The following RELB variants were observed in gnomAD, a reference collection of about 807,000 sequenced individuals.
RELB encodes the protein transcription factor RelB.
A neutral mutation model predicts 55.4 loss-of-function variants in RELB; 14 were observed. The observed-to-expected ratio is 0.25, with a 90% CI of 0.17 to 0.40. The LOEUF (loss-of-function observed/expected upper bound fraction) is 0.40. RELB is among the 10% of genes least tolerant of loss of function. RELB has a pLI of 1.00. For synonymous variants in RELB, 409 were observed against 371.3 expected, an observed-to-expected ratio of 1.10 and a Z score of -1.17; for missense variants, 669 against 830.7, an observed-to-expected ratio of 0.81 and a Z score of 2.39.
intron 3 of RELB, among the ~76,000 whole-genome samples, chr19:45,011,670 C>A (rs1254503371): frequency 1.3e-5 from 2 of 151,526 alleles, no homozygotes; most frequent in African/African-American, 2.4e-5. Flanking sequence ...TGGTCTCGAA[C>A]TCCTGACCTC....
intron 4 of RELB, among the ~76,000 whole-genome samples, chr19:45,019,787 C>A (rs1377522753): frequency 6.6e-6 from 1 of 152,134 alleles, no homozygotes. Flanking sequence ...AAGTGATTCT[C>A]CTGCCTCAGC....
At chr19:45,013,103 A>T (rs576215369) in intron 4 of RELB, among the ~76,000 whole-genome samples, 7 of 151,626 alleles carry the variant, frequency 4.6e-5, no homozygotes, top group Non-Finnish European at 8.8e-5. Context: ...AGCAAAGGTG[A>T]TTACTTTTGG....
intron 3 of RELB, among the ~76,000 whole-genome samples, chr19:45,010,620 G>A (rs1485882135): frequency 6.6e-6 from 1 of 152,138 alleles, no homozygotes; most frequent in African/African-American, 2.4e-5. Context: ...GCCAGCATGG[G>A]TTGAATGGGG....
At chr19:45,018,125 C>T (rs1027417813) in intron 4 of RELB, among the ~76,000 whole-genome samples, 3 of 151,628 alleles carry the variant, frequency 2.0e-5, no homozygotes, top group African/African-American at 7.3e-5. Flanking sequence ...AAATTCTTGG[C>T]CGAGCGTGGT....
At chr19:45,026,321 T>C (rs1600078451) in intron 7 of RELB, among the ~76,000 whole-genome samples, 1 of 152,018 alleles carries the variant, frequency 6.6e-6, no homozygotes, top group East Asian at 1.9e-4. Context: ...GAAGATTGCT[T>C]GAGCCCAGGA....
chr19:45,019,969 C>T (rs1302544668), intron 4 of RELB, among the ~76,000 whole-genome samples: 1 of 151,794 alleles, frequency 6.6e-6, no homozygotes, highest in African/African-American at 2.4e-5. Context: ...CCACCCACCT[C>T]GGCCTCCTCA....
At chr19:45,034,149 A>T (rs1043250012) in intron 9 of RELB, 95 bp from the exon 10 acceptor site, 44 of 1,000,536 alleles carry the variant, frequency 4.4e-5, no homozygotes, top group Non-Finnish European at 6.3e-5. Context: ...ACAGAGCAAG[A>T]CTGTCTCTAA....
chr19:45,025,111 G>A (rs567348575), intron 5 of RELB, among the ~76,000 whole-genome samples: 13 of 151,910 alleles, frequency 8.6e-5, no homozygotes, highest in South Asian at 4.2e-4. Context: ...CTCCTGCCTC[G>A]GCCTCCCAAA....
intron 1 of RELB, among the ~76,000 whole-genome samples, chr19:45,002,289 G>T (rs904946049): frequency 6.6e-6 from 1 of 152,208 alleles, no homozygotes; most frequent in Non-Finnish European, 1.5e-5. Context: ...GAGAAGCGGA[G>T]CCTTGACATT....
At chr19:45,011,756 C>CTGTGTGTGTGTGTGTGTGTGTGTG (rs199579874) in intron 3 of RELB, among the ~76,000 whole-genome samples, 180 bp from the exon 4 acceptor site, 3 of 59,914 alleles carry the variant, frequency 5.0e-5, no homozygotes, top group Admixed American at 2.5e-4. Flanking sequence ...CTCCCTGACT[C>CTGTGTGTGTGTGTGTGTGTGTGTG]TGTGTGTGTG....
intron 9 of RELB, 136 bp downstream of exon 9, chr19:45,032,885 C>A: frequency 2.7e-6 from 2 of 748,384 alleles, no homozygotes; most frequent in Non-Finnish European, 4.3e-6. Context: ...CAGATCCTGG[C>A]TCTGCTGCTT....
chr19:45,007,358 T>C (rs1600062787), intron 2 of RELB, among the ~76,000 whole-genome samples: 1 of 152,336 alleles, frequency 6.6e-6, no homozygotes, highest in South Asian at 2.1e-4. Flanking sequence ...CTAAGCTTTC[T>C]GGAAGATGTC....
At chr19:45,020,518 A>G (rs1416201731) in intron 4 of RELB, among the ~76,000 whole-genome samples, 2 of 123,494 alleles carry the variant, frequency 1.6e-5, no homozygotes, top group East Asian at 2.5e-4. Context: ...CTGGCCCATC[A>G]TTTGTTGTCT....
rs558593933 is a variant in RELB at position 45,001,636 on chromosome 19, G to A, written c.57G>A (p.Pro19=). The A allele has an allele frequency of 1.3e-6, 2 of 1,523,390 alleles. No homozygotes were observed. Among genetic ancestry groups the A allele is most frequent in the African/African-American group, 1.4e-5 (1 of 71,722 alleles). 94.4% of individuals were successfully genotyped at this position (1,523,390 alleles called of 1,614,324 possible). A position where few individuals can be genotyped will look rare whatever the true frequency, so the allele number is the denominator to read the frequency against. ...GPSVPTGRAM[P]SRRVARPPAA... is the part of the protein sequence containing the mutation. The stretch of plus-strand genomic sequence containing the variant: ...CCGTCCCCACTGGCCGGGCCATGCC[G>A]AGTCGCCGCGTCGCCAGACCGCCGG... Residue 19 remains proline, a synonymous_variant, in exon 1 of 12, where the codon CCG becomes CCA. Coordinates refer to ENST00000221452, the MANE Select transcript of RELB (RefSeq NM_006509.4).
intron 8 of RELB, among the ~76,000 whole-genome samples, chr19:45,030,172 A>C (rs1307343233): frequency 6.6e-6 from 1 of 151,034 alleles, no homozygotes; most frequent in Non-Finnish European, 1.5e-5. Context: ...GTCTCAAAAA[A>C]TCAAAACCAA....
In RELB at chr19:45,032,517, C is replaced by A; in HGVS notation, c.992-17C>A. 6.3e-7 allele frequency: 1 copy of A among 1,599,654 alleles called. No individual in the cohort carries two copies. The highest frequency in any genetic ancestry group is 8.5e-7 in the Non-Finnish European group (1 of 1,171,370). ...CCAGATGTCCTGGCTTAGCTGATGT[C>A]CCCCGTTTCCTGCCAGAGGACATAT... is the stretch of plus-strand genomic sequence containing the variant. On this transcript the variant is annotated splice_polypyrimidine_tract_variant and intron_variant, in intron 8 of 11. Transcript: ENST00000221452.
chr19:45,002,125 AG>A (rs1343757203), intron 1 of RELB, among the ~76,000 whole-genome samples: 12 of 11,080 alleles, frequency 1.1e-3, no homozygotes, highest in African/African-American at 1.9e-3. Context: ...CCTGGCCGTG[AG>A]GGCAGGAAGG....
chr19:45,038,056 A>T lies in RELB; in HGVS notation c.*266A>T. On this transcript the variant is annotated 3_prime_UTR_variant, in exon 12 of 12. Coordinates refer to ENST00000221452, the MANE Select transcript of RELB (RefSeq NM_006509.4). ...TGCCTCTGTCCCCACATGTGGGGGC[A>T]CCTTCTCCAGTAGGATTCGGAAAAG... is the stretch of plus-strand genomic sequence containing the variant. 2.6e-6 allele frequency: 1 copy of T among 386,952 alleles called. No homozygotes were observed. The highest frequency in any genetic ancestry group is 4.6e-6 in the Non-Finnish European group (1 of 218,124). 24.0% of individuals were successfully genotyped at this position (386,952 alleles called of 1,614,324 possible).
At chr19:45,018,882 G>T (rs2122439393) in intron 4 of RELB, among the ~76,000 whole-genome samples, 1 of 151,940 alleles carries the variant, frequency 6.6e-6, no homozygotes, top group South Asian at 2.1e-4. Flanking sequence ...CTCCATGTCG[G>T]TCAGGCTGGT....
Sources: allele counts gnomAD v4.1 joint callset (sites outside exome capture counted in the v4.1 genomes callset), GRCh38; gene constraint gnomAD v4.1.1; transcripts MANE v1.5; gene names NCBI Gene and HGNC (gene_info 2026-07-23, HGNC 2026-07-21).